Variants in ARHGAP6 observed in about 807,000 individuals in gnomAD.
ARHGAP6 encodes the protein Rho GTPase activating protein 6.
A neutral mutation model predicts 55.7 loss-of-function variants in ARHGAP6; 16 were observed. The observed-to-expected ratio is 0.29, with a 90% CI of 0.19 to 0.44. ARHGAP6 has a LOEUF of 0.44. Among genes scored for constraint, ARHGAP6 ranks in the 20% least tolerant of loss-of-function variants. The probability of loss-of-function intolerance (pLI) is 1.00; values close to 1 mark genes in which losing one functional copy is unlikely to be tolerated. For missense variants in ARHGAP6, 698 were observed against 808.9 expected, an observed-to-expected ratio of 0.86 and a Z score of 1.66; for synonymous variants, 382 against 360.9, an observed-to-expected ratio of 1.06 and a Z score of -0.66.
intron 9 of ARHGAP6, among the ~76,000 whole-genome samples, chrX:11,158,188 T>C (rs2045889646): frequency 8.9e-6 from 1 of 111,922 alleles, no homozygotes; most frequent in Non-Finnish European, 1.9e-5. Flanking sequence ...AGTCAAAGTC[T>C]ATTGAGCATT....
chrX:11,420,467 G>A lies in ARHGAP6; in HGVS notation c.589-165760C>T, dbSNP rs751142257. Among the ~76,000 whole-genome samples the A allele has an allele frequency of 4.5e-5, 5 of 111,228 alleles. No individual in the cohort carries two copies. The South Asian group carries it at 1.2e-3, about 26-fold the overall frequency. On this transcript the variant is annotated intron_variant, in intron 1 of 12. Coordinates refer to ENST00000337414, the MANE Select transcript of ARHGAP6 (RefSeq NM_013427.3). ...CTATCCCCACCCTCCCCATCATCTC[G>A]TAACTCACAATCTAAAACAGACCAT...
chrX:11,306,924 G>T (rs1226277110), intron 1 of ARHGAP6, among the ~76,000 whole-genome samples: 1 of 111,610 alleles, frequency 9.0e-6, no homozygotes, highest in African/African-American at 3.3e-5. Flanking sequence ...CAAAGATGGG[G>T]AGGAGACAGC....
chrX:11,218,070 T>C (rs953946278), intron 2 of ARHGAP6, among the ~76,000 whole-genome samples: 5 of 112,008 alleles, frequency 4.5e-5, no homozygotes, highest in South Asian at 3.7e-4. Context: ...TATTGGTCTA[T>C]ATATCTGTTT....
intron 1 of ARHGAP6, among the ~76,000 whole-genome samples, chrX:11,599,402 C>A (rs892355673): frequency 4.5e-5 from 5 of 110,788 alleles, no homozygotes; most frequent in African/African-American, 1.6e-4. Flanking sequence ...ATATAATGAT[C>A]GAATTGGGTT....
intron 2 of ARHGAP6, among the ~76,000 whole-genome samples, chrX:11,215,011 C>A (rs2046859658): frequency 8.8e-6 from 1 of 113,460 alleles, no homozygotes; most frequent in Non-Finnish European, 1.9e-5. Context: ...GGGCAAGGCC[C>A]TGAGGGCAGG....
chrX:11,191,089 C>T (rs745363783), intron 3 of ARHGAP6, among the ~76,000 whole-genome samples: 10 of 112,810 alleles, frequency 8.9e-5, no homozygotes, highest in African/African-American at 2.9e-4. Context: ...AAAAATTATC[C>T]TAATACTCTT....
At chrX:11,620,446 C>G (rs2052214803) in intron 1 of ARHGAP6, among the ~76,000 whole-genome samples, 1 of 112,236 alleles carries the variant, frequency 8.9e-6, no homozygotes, top group Non-Finnish European at 1.9e-5. Context: ...AGATATACAT[C>G]CTCAGGACCA....
At chrX:11,611,211 T>C (rs915878668) in intron 1 of ARHGAP6, among the ~76,000 whole-genome samples, 4 of 112,385 alleles carry the variant, frequency 3.6e-5, no homozygotes, top group Admixed American at 9.4e-5. Flanking sequence ...CATCTTAGCA[T>C]AAAGAGGAAA....
chrX:11,515,336 T>C (rs1243217609), intron 1 of ARHGAP6, among the ~76,000 whole-genome samples: 3 of 112,501 alleles, frequency 2.7e-5, no homozygotes, highest in Middle Eastern at 4.2e-3. Context: ...TCCTAATACA[T>C]TTATCAAGAA....
At chrX:11,399,849 GAATA>G (rs1407121700) in intron 1 of ARHGAP6, among the ~76,000 whole-genome samples, 1 of 112,113 alleles carries the variant, frequency 8.9e-6, no homozygotes, top group Admixed American at 9.5e-5. Flanking sequence ...GCTGATGAAT[GAATA>G]AACAAAATGT....
At chrX:11,572,527 T>C (rs1315027365) in intron 1 of ARHGAP6, among the ~76,000 whole-genome samples, 2 of 111,745 alleles carry the variant, frequency 1.8e-5, no homozygotes, top group South Asian at 3.8e-4. Context: ...CTCATCATTT[T>C]TTATGGCTGC....
intron 1 of ARHGAP6, among the ~76,000 whole-genome samples, chrX:11,608,739 C>T (rs1163173345): frequency 2.7e-5 from 3 of 111,756 alleles, no homozygotes; most frequent in Non-Finnish European, 5.6e-5. Context: ...CTCACAAGAT[C>T]TGATGGTTTT....
chrX:11,344,344 G>A (rs779589246), intron 1 of ARHGAP6, among the ~76,000 whole-genome samples: 3 of 111,038 alleles, frequency 2.7e-5, no homozygotes, highest in Middle Eastern at 4.7e-3. Context: ...GTCCATTGGG[G>A]GTTCTCAACC....
At chrX:11,513,733 G>A (rs1000177065) in intron 1 of ARHGAP6, among the ~76,000 whole-genome samples, 2 of 111,062 alleles carry the variant, frequency 1.8e-5, no homozygotes, top group South Asian at 3.8e-4. Context: ...GGAACCATGC[G>A]ACAAATTCTT....
intron 1 of ARHGAP6, among the ~76,000 whole-genome samples, chrX:11,399,585 T>C (rs766547950): frequency 2.7e-5 from 3 of 111,288 alleles, no homozygotes; most frequent in Non-Finnish European, 5.7e-5. Context: ...GTAATTGCAG[T>C]TTTTGCCATT....
chrX:11,339,012 T>C (rs1428685885), intron 1 of ARHGAP6, among the ~76,000 whole-genome samples: 1 of 111,971 alleles, frequency 8.9e-6, no homozygotes, highest in African/African-American at 3.2e-5. Flanking sequence ...TCTTAGTCAA[T>C]CCTTCTGAAG....
At chrX:11,648,474 A>G (rs1291809530) in intron 1 of ARHGAP6, among the ~76,000 whole-genome samples, 5 of 111,951 alleles carry the variant, frequency 4.5e-5, no homozygotes, top group African/African-American at 1.6e-4. Context: ...GCATCTTACA[A>G]TTGCTCTTTA....
At chrX:11,257,703 C>T (rs1252562652) in intron 1 of ARHGAP6, among the ~76,000 whole-genome samples, 1 of 111,905 alleles carries the variant, frequency 8.9e-6, no homozygotes, top group African/African-American at 3.3e-5. Context: ...CAGTCCTCGT[C>T]CTCAGAGTTA....
Position 11,659,678 on chromosome X carries a change from C to G in ARHGAP6, c.588+4563G>C, listed in dbSNP as rs183521298. ...GAGCCCAATGTAATCACAAGAGTCC[C>G]GAAAAGAGCGAGAGAGAGAAATGAC... On this transcript the variant is annotated intron_variant, in intron 1 of 12. Coordinates refer to ENST00000337414, the MANE Select transcript of ARHGAP6 (RefSeq NM_013427.3). 9.7e-4 allele frequency among the ~76,000 whole-genome samples: 108 copies of G among 111,223 alleles called. No individual in the cohort carries two copies. In the South Asian group the frequency reaches 0.038, roughly 39 times the overall value.
Sources: gnomAD v4.1 joint callset for allele counts (sites outside exome capture counted in the v4.1 genomes callset) on GRCh38, gnomAD v4.1.1 for gene constraint, MANE v1.5 for transcripts, NCBI Gene and HGNC (gene_info 2026-07-23, HGNC 2026-07-21) for gene names.